MTERF4: variants seen among roughly 807,000 people sequenced by gnomAD.
The protein encoded by MTERF4 is transcription termination factor 4, mitochondrial.
MTERF4 carries 17 observed loss-of-function variants against 22.5 expected under a neutral mutation model. The observed-to-expected ratio is 0.75, with a 90% CI of 0.52 to 1.13. The LOEUF is 1.13. Among genes scored for constraint, MTERF4 ranks in the 50% most tolerant of loss-of-function variants. The pLI is 0.00. For missense variants in MTERF4, 420 were observed against 466.8 expected (o/e 0.90, Z 0.92); for synonymous variants, 165 against 175.3 (o/e 0.94, Z 0.47).
downstream of MTERF4, among the ~76,000 whole-genome samples, chr2:241,083,786 A>G (rs2063445380): frequency 6.6e-6 from 1 of 152,132 alleles, no homozygotes; most frequent in Admixed American, 6.5e-5. Context: ...AGTATTTAAC[A>G]TAGAGGTGGG....
At chr2:241,064,860 C>T in the MTERF4 span, 38 of 1,587,974 alleles carry the variant, frequency 2.4e-5, no homozygotes, top group African/African-American at 5.5e-5. This position sits in a 1 kb window ranked among gnomAD's most constrained non-coding sequence, Gnocchi z 7.0. Context: ...ACCCCTGCTT[C>T]TCCAGCCCCT....
the MTERF4 span, chr2:241,053,159 A>C: frequency 6.2e-7 from 1 of 1,609,620 alleles, no homozygotes; most frequent in East Asian, 2.2e-5. Flanking sequence ...GCAGAGGTGG[A>C]CTGCGGCCCC....
chr2:241,058,317 A>G, the MTERF4 span, among the ~76,000 whole-genome samples: 5 of 152,316 alleles, frequency 3.3e-5, no homozygotes, highest in African/African-American at 1.2e-4. Flanking sequence ...ACTGACATTA[A>G]TACCAATGTT....
chr2:241,046,894 C>T, the MTERF4 span, among the ~76,000 whole-genome samples: 1 of 152,116 alleles, frequency 6.6e-6, no homozygotes, highest in African/African-American at 2.4e-5. Flanking sequence ...CCTGTAATCC[C>T]AGCACTTTGG....
intron 4 of MTERF4, chr2:241,081,752 G>A: frequency 1.2e-6 from 2 of 1,605,742 alleles, no homozygotes; most frequent in East Asian, 2.2e-5. Flanking sequence ...GCCCACAGCT[G>A]TGACTGCGGG....
chr2:241,098,723 T>C (rs1300610153), intron 2 of MTERF4, among the ~76,000 whole-genome samples: 1 of 152,240 alleles, frequency 6.6e-6, no homozygotes, highest in East Asian at 1.9e-4. Flanking sequence ...TAAGACCATT[T>C]CATGTTGATT....
the MTERF4 span, among the ~76,000 whole-genome samples, chr2:241,050,493 C>A: frequency 2.6e-5 from 4 of 152,136 alleles, no homozygotes; most frequent in Non-Finnish European, 4.4e-5. Context: ...AGTGACCTGG[C>A]ACCCTCTCCA....
chr2:241,090,500 AATT>A (rs1297789876), downstream of MTERF4: 5 of 1,485,746 alleles, frequency 3.4e-6, no homozygotes, highest in Admixed American at 4.2e-5. Context: ...TAACATCACA[AATT>A]ATCATCAAGT....
the MTERF4 span, among the ~76,000 whole-genome samples, chr2:241,052,914 G>A: frequency 3.3e-5 from 5 of 151,354 alleles, no homozygotes; most frequent in South Asian, 1.0e-3. Flanking sequence ...CTAGAGGGGG[G>A]TCAAGTGGGG....
the MTERF4 span, among the ~76,000 whole-genome samples, chr2:241,042,651 A>G: frequency 2.8e-5 from 4 of 143,588 alleles, no homozygotes; most frequent in Non-Finnish European, 4.7e-5. Flanking sequence ...TGTTGAGGGG[A>G]AAAAAACCTA....
At chr2:241,068,008 A>C, downstream of MTERF4, 2 of 1,463,426 alleles carry the variant, frequency 1.4e-6, no homozygotes, top group Non-Finnish European at 1.9e-6. The surrounding 1 kb of genome is among the most constrained non-coding windows in gnomAD (Gnocchi z 5.3). Context: ...GCTCGGGGAC[A>C]CGGGGCCCAG....
intron 4 of MTERF4, among the ~76,000 whole-genome samples, chr2:241,077,331 A>G (rs2063074868): frequency 1.3e-5 from 2 of 152,190 alleles, no homozygotes. Flanking sequence ...AGAAGAAAAC[A>G]TAGGAGTAAA....
chr2:241,062,903 G>T, the MTERF4 span: 1 of 1,584,864 alleles, frequency 6.3e-7, no homozygotes, highest in South Asian at 1.1e-5. Context: ...ACTGTGAGCT[G>T]GGTAAGAGGG....
the MTERF4 span, among the ~76,000 whole-genome samples, chr2:241,060,760 A>G: frequency 1.3e-5 from 2 of 151,942 alleles, no homozygotes; most frequent in Non-Finnish European, 2.9e-5. Context: ...GAGACCCCCA[A>G]CTCTACAAAA....
At chr2:241,083,257 G>A, downstream of MTERF4, among the ~76,000 whole-genome samples, 1 of 152,184 alleles carries the variant, frequency 6.6e-6, no homozygotes, top group South Asian at 2.1e-4. Flanking sequence ...CCAGAGGACA[G>A]TTACCAGGGC....
At chr2:241,046,300 C>A in the MTERF4 span, among the ~76,000 whole-genome samples, 2 of 152,180 alleles carry the variant, frequency 1.3e-5, no homozygotes, top group African/African-American at 4.8e-5. Context: ...AATCCCACTC[C>A]TTGTATTAAC....
chr2:241,069,092 CTCCCCTAGTCCTCTCCAAAGCG>C, downstream of MTERF4: 1 of 1,080,236 alleles, frequency 9.3e-7, no homozygotes, highest in South Asian at 1.5e-5. This position sits in a 1 kb window ranked among gnomAD's most constrained non-coding sequence, Gnocchi z 4.9. Flanking sequence ...TCCTTCCAGC[CTCCCCTAGTCCTCTCCAAAGCG>C]TCCACAACAC....
chr2:241,088,080 G>C, downstream of MTERF4: 1 of 482,054 alleles, frequency 2.1e-6, no homozygotes, highest in Non-Finnish European at 3.7e-6. Flanking sequence ...TCTTCCCTAG[G>C]GTAGCTTTTG....
chr2:241,048,277 C>A, the MTERF4 span: 4 of 1,558,402 alleles, frequency 2.6e-6, no homozygotes, highest in South Asian at 1.2e-5. Flanking sequence ...TCCCCACATT[C>A]CCTGCGTGGC....
Sources: allele counts gnomAD v4.1 joint callset (sites outside exome capture counted in the v4.1 genomes callset), GRCh38; gene constraint gnomAD v4.1.1; non-coding constraint Gnocchi (gnomAD v3.1); transcripts MANE v1.5; gene names NCBI Gene and HGNC (gene_info 2026-07-23, HGNC 2026-07-21).